Variants in EXOC6B observed in about 807,000 individuals in gnomAD.
EXOC6B encodes SEC15 homolog B.
In EXOC6B, 54 loss-of-function variants were observed where a neutral mutation model predicts 113.5. That is an observed-to-expected ratio of 0.48 (90% CI 0.38 to 0.60). EXOC6B has a LOEUF of 0.60. Ranked by LOEUF, EXOC6B falls within the 20% of genes least tolerant of loss-of-function variation. EXOC6B has a pLI of 0.00. For synonymous variants in EXOC6B, 357 were observed against 339.0 expected (o/e 1.05, Z -0.58); for missense variants, 797 against 977.5 (o/e 0.82, Z 2.46).
intron 20 of EXOC6B, among the ~76,000 whole-genome samples, chr2:72,261,540 A>C (rs1377133719): frequency 1.3e-5 from 2 of 152,088 alleles, no homozygotes; most frequent in African/African-American, 4.8e-5. Flanking sequence ...TGTAAATGTG[A>C]ATCTGTTTTC....
At chr2:72,582,299 C>T (rs1423769125) in intron 6 of EXOC6B, among the ~76,000 whole-genome samples, 1 of 151,964 alleles carries the variant, frequency 6.6e-6, no homozygotes, top group Non-Finnish European at 1.5e-5. Context: ...ACTGCTTGAG[C>T]TCAGGAGTTC....
intron 20 of EXOC6B, among the ~76,000 whole-genome samples, chr2:72,319,812 A>C (rs531619537): frequency 6.6e-6 from 1 of 152,274 alleles, no homozygotes; most frequent in Admixed American, 6.5e-5. Context: ...CTCTGAATTC[A>C]ACATAATCCT....
At chr2:72,511,942 A>T (rs1417992224) in intron 11 of EXOC6B, among the ~76,000 whole-genome samples, 1 of 152,106 alleles carries the variant, frequency 6.6e-6, no homozygotes, top group African/African-American at 2.4e-5. Context: ...ACAGTCACTT[A>T]AAGAAATTGT....
At chr2:72,432,633 T>G (rs1443485630) in intron 18 of EXOC6B, among the ~76,000 whole-genome samples, 1 of 152,222 alleles carries the variant, frequency 6.6e-6, no homozygotes. Flanking sequence ...TGGCATGAGA[T>G]AGTATCTCAT....
intron 17 of EXOC6B, among the ~76,000 whole-genome samples, chr2:72,474,391 A>G (rs887196366): frequency 6.6e-6 from 1 of 151,918 alleles, no homozygotes; most frequent in Non-Finnish European, 1.5e-5. Context: ...GCCTTCTGGA[A>G]CCCTTATAAT....
intron 18 of EXOC6B, among the ~76,000 whole-genome samples, chr2:72,415,596 T>A (rs1694473326): frequency 6.6e-6 from 1 of 151,738 alleles, no homozygotes; most frequent in East Asian, 2.0e-4. Flanking sequence ...AGTGTGATGA[T>A]CGGACTTAGA....
chr2:72,294,064 A>G (rs1205351877), intron 20 of EXOC6B, among the ~76,000 whole-genome samples: 1 of 151,944 alleles, frequency 6.6e-6, no homozygotes, highest in East Asian at 1.9e-4. Flanking sequence ...GATAAGGGAG[A>G]CAGTGGAACC....
chr2:72,731,101 T>A (rs1408412457), intron 4 of EXOC6B, 49 bp from the exon 5 acceptor site: 2 of 1,573,154 alleles, frequency 1.3e-6, no homozygotes, highest in Non-Finnish European at 1.7e-6. Context: ...GAAAGCCTAA[T>A]TAAAGCAAAA....
chr2:72,584,033 G>A (rs1349583732), intron 6 of EXOC6B, among the ~76,000 whole-genome samples: 1 of 151,934 alleles, frequency 6.6e-6, no homozygotes, highest in Non-Finnish European at 1.5e-5. Flanking sequence ...CCTTAAGGGA[G>A]TTCTAAACAT....
rs202122331 is a variant in EXOC6B at position 72,460,587 on chromosome 2, GC to G, written c.1980+4572del. 7.5e-3 allele frequency among the ~76,000 whole-genome samples: 1,145 copies of G among 152,282 alleles called. 15 individuals are homozygous for G. Among genetic ancestry groups the G allele is most frequent in the African/African-American group, 0.025 (1,041 of 41,552 alleles). On this transcript the variant is annotated intron_variant, in intron 18 of 21. Coordinates refer to ENST00000272427, the MANE Select transcript of EXOC6B (RefSeq NM_015189.3). ...CTTCTCAAAAGAAGACATTTATGCA[GC>G]CAGAAAACACATGAAAAAATGCTCA...
intron 18 of EXOC6B, among the ~76,000 whole-genome samples, chr2:72,403,270 T>G (rs1175775780): frequency 1.3e-5 from 2 of 152,230 alleles, no homozygotes; most frequent in Non-Finnish European, 2.9e-5. Context: ...CTTTATAACA[T>G]TTTGAAACAC....
At chr2:72,214,030 G>A (rs1289326524) in intron 20 of EXOC6B, among the ~76,000 whole-genome samples, 2 of 152,120 alleles carry the variant, frequency 1.3e-5, no homozygotes, top group East Asian at 1.9e-4. Context: ...GTTTAAGAAG[G>A]TGCTCCACTG....
At chr2:72,265,645 G>A (rs1440622952) in intron 20 of EXOC6B, among the ~76,000 whole-genome samples, 8 of 151,310 alleles carry the variant, frequency 5.3e-5, no homozygotes, top group Admixed American at 5.3e-4. Context: ...TCTTAATCCA[G>A]TCTATCATTG....
At chr2:72,310,899 T>C (rs957626487) in intron 20 of EXOC6B, among the ~76,000 whole-genome samples, 1 of 146,120 alleles carries the variant, frequency 6.8e-6, no homozygotes, top group Non-Finnish European at 1.5e-5. Context: ...AGAGCTAGTA[T>C]TAATATTATA....
At chr2:72,816,967 TA>T (rs1442234779) in intron 1 of EXOC6B, among the ~76,000 whole-genome samples, 2 of 152,240 alleles carry the variant, frequency 1.3e-5, no homozygotes, top group African/African-American at 4.8e-5. Flanking sequence ...AGATTCTTCA[TA>T]ATTTTTTCAT....
chr2:72,200,938 A>G (rs962099540), intron 20 of EXOC6B, among the ~76,000 whole-genome samples: 25 of 152,234 alleles, frequency 1.6e-4, no homozygotes, highest in African/African-American at 2.2e-4. Context: ...AAAATAAAAC[A>G]TCATAAATAA....
intron 20 of EXOC6B, among the ~76,000 whole-genome samples, chr2:72,308,212 C>A (rs956602302): frequency 2.6e-5 from 4 of 152,176 alleles, no homozygotes; most frequent in Non-Finnish European, 5.9e-5. Flanking sequence ...AGGAAATGCC[C>A]ATGTGTCCAC....
intron 11 of EXOC6B, among the ~76,000 whole-genome samples, chr2:72,506,318 G>C (rs925373609): frequency 2.0e-5 from 3 of 152,038 alleles, no homozygotes; most frequent in Non-Finnish European, 4.4e-5. Context: ...GAAGAATTTT[G>C]ACTGTTTTTT....
intron 8 of EXOC6B, among the ~76,000 whole-genome samples, chr2:72,532,678 C>T (rs1237549839): frequency 1.3e-5 from 2 of 151,922 alleles, no homozygotes; most frequent in African/African-American, 2.4e-5. Flanking sequence ...TGTGGTGGCG[C>T]GCGCCTGTAA....
Sources: allele counts gnomAD v4.1 joint callset (sites outside exome capture counted in the v4.1 genomes callset), GRCh38; gene constraint gnomAD v4.1.1; transcripts MANE v1.5; gene names NCBI Gene and HGNC (gene_info 2026-07-23, HGNC 2026-07-21).